The following MIA2 variants were observed in gnomAD, a reference collection of about 807,000 sequenced individuals.
The protein encoded by MIA2 is melanoma inhibitory activity protein 2.
In MIA2, 127 loss-of-function variants were observed where a neutral mutation model predicts 167.8. The observed-to-expected ratio is 0.76, with a 90% confidence interval of 0.66 to 0.88. The LOEUF is 0.88. Ranked by LOEUF, MIA2 falls within the 40% of genes least tolerant of loss-of-function variation. MIA2 has a pLI of 0.00. For missense variants in MIA2, 1,690 were observed against 1,624.7 expected (o/e 1.04, Z -0.69); for synonymous variants, 552 against 541.9 (o/e 1.02, Z -0.26).
chr14:39,291,894 A>G lies in MIA2; in HGVS notation c.2208+798A>G, dbSNP rs117225577. On this transcript the variant is annotated intron_variant, in intron 10 of 28. Transcript: ENST00000640607. ...GTAAAAAGCACAGAAGTGACAAAGG[A>G]TAGCAGAGGACACCTGCGTCTGCAG... is the stretch of plus-strand genomic sequence containing the variant. Among the ~76,000 whole-genome samples, 1,087 of 152,350 alleles carry G rather than the reference A, an allele frequency of 7.1e-3. 9 individuals carry two copies. Among genetic ancestry groups the G allele is most frequent in the Non-Finnish European group, 0.011 (716 of 68,032 alleles).
In MIA2 at chr14:39,247,305, A is replaced by G. The variant is rs201372596; in HGVS notation, c.731A>G (p.Glu244Gly). Residue 244 changes from glutamate (E) to glycine (G), a missense_variant, in exon 4 of 29, where the codon GAA becomes GGA. By Grantham distance (98) the Glu-to-Gly change is moderately conservative (BLOSUM62 -2). Transcript: ENST00000640607. ...AEEKAFESVI[E>G]PVQESSFRSR... The stretch of plus-strand genomic sequence containing the variant: ...GAGAAGGCTTTTGAATCAGTTATTG[A>G]ACCTGTACAAGAAAGCTCATTTCGG... The G allele has an allele frequency of 5.0e-6, 8 of 1,613,982 alleles. No homozygotes were observed. Among genetic ancestry groups the G allele is most frequent in the Admixed American group, 1.7e-5 (1 of 59,998 alleles).
chr14:39,279,574 C>G (rs1566697010), intron 9 of MIA2, 37 bp downstream of exon 9: 2 of 1,384,712 alleles, frequency 1.4e-6, no homozygotes, highest in East Asian at 2.3e-5. Context: ...ATGTTAGAGT[C>G]AGAGAACTTT....
At chr14:39,279,387 ATTG>A in intron 8 of MIA2, 29 bp downstream of exon 8, 1 of 1,605,052 alleles carries the variant, frequency 6.2e-7, no homozygotes, top group Admixed American at 1.7e-5. Context: ...TTTGACTCTC[ATTG>A]TTGTGTTGTA....
intron 19 of MIA2, among the ~76,000 whole-genome samples, 181 bp downstream of exon 19, chr14:39,313,622 G>A (rs2064764983): frequency 6.6e-6 from 1 of 152,030 alleles, no homozygotes. Flanking sequence ...TTGGTCTTGA[G>A]CAATTATACA....
intron 4 of MIA2, among the ~76,000 whole-genome samples, chr14:39,250,884 A>G (rs1353300887): frequency 6.6e-6 from 1 of 151,968 alleles, no homozygotes; most frequent in African/African-American, 2.4e-5. Context: ...AGAAAAAAAG[A>G]CGTCATTTAT....
chr14:39,302,836 T>TACA (rs1235521127), intron 15 of MIA2, among the ~76,000 whole-genome samples: 191 of 152,288 alleles, frequency 1.3e-3, no homozygotes, highest in Non-Finnish European at 2.3e-3. Flanking sequence ...TCATAGGAAG[T>TACA]TCTAAAACTA....
At chr14:39,256,982 C>T (rs143184857) in intron 6 of MIA2, among the ~76,000 whole-genome samples, 6 of 152,196 alleles carry the variant, frequency 3.9e-5, no homozygotes, top group African/African-American at 9.6e-5. Flanking sequence ...GAGACTGTTA[C>T]GATTTCCATT....
At position 39,293,987 on chromosome 14, in the gene MIA2, A is replaced by G. The variant is rs750550678; in HGVS notation, c.2320-13A>G. 7 of 1,600,630 alleles carry G rather than the reference A, an allele frequency of 4.4e-6. No homozygotes were observed. The highest frequency in any genetic ancestry group is 1.1e-5 in the South Asian group (1 of 89,650). ...GTTTAGTAAATATTAATTGCCTGAT[A>G]CTGTGTTTCTAGATGGCGGATATTT... On this transcript the variant is annotated splice_polypyrimidine_tract_variant and intron_variant, in intron 11 of 28. Transcript: ENST00000640607.
At chr14:39,304,250 A>T (rs370630839) in intron 16 of MIA2, 41 bp from the exon 17 acceptor site, 54 of 926,356 alleles carry the variant, frequency 5.8e-5, no homozygotes, top group Non-Finnish European at 7.2e-5. Flanking sequence ...TTTTTGTATA[A>T]CTGATTAATG....
rs199898994 is a variant in MIA2, at chr14:39,247,767, A to G, written c.1193A>G (p.Asp398Gly). Residue 398 changes from aspartate to glycine, a missense_variant, in exon 4 of 29, where the codon GAT becomes GGT. Transcript: ENST00000640607. ...AYAKEDKIML[D>G]DRKNEEDGGA... Reference sequence around the variant, plus strand: ...GCCAAGGAAGATAAAATTATGTTAGATGACAGGAAAAATGAAGAAGATGGT... The same window carrying G: ...GCCAAGGAAGATAAAATTATGTTAGGTGACAGGAAAAATGAAGAAGATGGT... 8 of 1,613,558 alleles carry G rather than the reference A, an allele frequency of 5.0e-6. No individual in the cohort carries two copies. The South Asian group carries it at 5.5e-5, about 11-fold the overall frequency.
intron 6 of MIA2, chr14:39,265,218 G>T: frequency 3.4e-6 from 2 of 585,634 alleles, no homozygotes; most frequent in South Asian, 2.0e-5. Flanking sequence ...GTTATGGGTT[G>T]GTAGTCACAA....
At position 39,308,539 on chromosome 14, in the gene MIA2, T is replaced by G. The variant is rs1566856905; in HGVS notation, c.2969T>G (p.Leu990Arg). The change falls in exon 18 of 29, where the codon CTT becomes CGT. Residue 990 changes from leucine (L) to arginine (R), a missense_variant. By Grantham distance (102) the Leu-to-Arg change is moderately radical. Coordinates refer to ENST00000640607, the MANE Select transcript of MIA2 (RefSeq NM_001329214.4). ...GAGAATCAGAAGCTTCAACAGAAAC[T>G]TAAAGTAATGACTGAATTATATCAA... ...ENENQKLQQK[L>R]KVMTELYQEN... The G allele has an allele frequency of 1.3e-6, 2 of 1,576,028 alleles. No homozygotes were observed. Among genetic ancestry groups the G allele is most frequent in the Non-Finnish European group, 1.7e-6 (2 of 1,159,192 alleles).
intron 6 of MIA2, among the ~76,000 whole-genome samples, chr14:39,262,967 G>A (rs9743978): frequency 0.27 from 41,599 of 152,058 alleles, 5,906 homozygotes; most frequent in East Asian, 0.5. Flanking sequence ...GCAAACAGGG[G>A]CAATTTGACT....
intron 23 of MIA2, among the ~76,000 whole-genome samples, chr14:39,360,819 T>G (rs1567049650): frequency 6.6e-6 from 1 of 152,212 alleles, no homozygotes; most frequent in Non-Finnish European, 1.5e-5. Context: ...TAATCCATCT[T>G]GAGTTTAATC....
In MIA2 at chr14:39,327,033, A is replaced by G. The variant is rs1160166858; in HGVS notation, c.3655+11A>G. 1 of 1,470,288 alleles carries G rather than the reference A, an allele frequency of 6.8e-7. No individual in the cohort carries two copies. The highest frequency in any genetic ancestry group is 2.6e-5 in the Admixed American group (1 of 39,048). 91.1% of individuals were successfully genotyped at this position (1,470,288 alleles called of 1,614,324 possible). A position where few individuals can be genotyped will look rare whatever the true frequency, so the allele number is the denominator to read the frequency against. On this transcript the variant is annotated intron_variant, in intron 25 of 28. Transcript: ENST00000640607. ...TGTTTCCTCCGCCAGGTATGTAAAG[A>G]CAATAGTTATTATTTCTCTTTGAAA...
rs1566681828 is a variant in MIA2, at chr14:39,277,669, CTTTTATATATATATATATGTGTGT to C, written c.2019+605_2019+628del. The stretch of plus-strand genomic sequence containing the variant: ...CAACTGGAATCTTTTAATGTAAGAT[CTTTTATATATATATATATGTGTGT>C]ATATATATATATATATATATATGTG... On this transcript the variant is annotated intron_variant, in intron 7 of 28. Coordinates refer to ENST00000640607, the MANE Select transcript of MIA2 (RefSeq NM_001329214.4). Among the ~76,000 whole-genome samples, 3 of 68,228 alleles carry C rather than the reference CTTTTATATATATATATATGTGTGT, an allele frequency of 4.4e-5. 1 individual carries two copies. The highest frequency in any genetic ancestry group is 1.5e-4 in the African/African-American group (3 of 19,512). The allele number at this position is 68,228 out of a possible 152,430, so 44.8% of individuals were successfully genotyped here.
At chr14:39,298,834 A>G (rs1449560667) in intron 13 of MIA2, among the ~76,000 whole-genome samples, 1 of 151,294 alleles carries the variant, frequency 6.6e-6, no homozygotes, top group Non-Finnish European at 1.5e-5. Flanking sequence ...CTGTAATCTC[A>G]GTGATTTGGA....
chr14:39,325,581 A>G (rs554662713), intron 24 of MIA2, among the ~76,000 whole-genome samples: 4 of 150,168 alleles, frequency 2.7e-5, no homozygotes, highest in Admixed American at 6.7e-5. Flanking sequence ...GTTAGCCAGG[A>G]TGGTCTCGAT....
At chr14:39,319,152 T>C in intron 22 of MIA2, 57 bp from the exon 23 acceptor site, 1 of 989,312 alleles carries the variant, frequency 1.0e-6, no homozygotes, top group Admixed American at 2.3e-5. Context: ...GAGGCATTTT[T>C]TCTTGTGGTG....
Sources: gnomAD v4.1 joint callset for allele counts (sites outside exome capture counted in the v4.1 genomes callset) on GRCh38, gnomAD v4.1.1 for gene constraint, MANE v1.5 for transcripts, NCBI Gene and HGNC (gene_info 2026-07-23, HGNC 2026-07-21) for gene names.